The following SPIDR variants were observed in gnomAD, a reference collection of about 807,000 sequenced individuals.
SPIDR encodes the protein DNA repair-scaffolding protein.
SPIDR carries 93 observed loss-of-function variants against 104.6 expected under a neutral mutation model. The ratio of observed to expected loss-of-function variants is 0.89; its 90% CI spans 0.75 to 1.06. The LOEUF is 1.06. Among genes scored for constraint, SPIDR ranks in the 50% least tolerant of loss-of-function variants. The pLI, the probability that SPIDR is intolerant of heterozygous loss-of-function variation, is 0.00. For synonymous variants in SPIDR, 431 were observed against 416.9 expected, an observed-to-expected ratio of 1.03 and a Z score of -0.41; for missense variants, 1,154 against 1,111.2, an observed-to-expected ratio of 1.04 and a Z score of -0.55.
intron 8 of SPIDR, among the ~76,000 whole-genome samples, chr8:47,452,307 A>ACT (rs1272979239): frequency 6.6e-6 from 1 of 152,182 alleles, no homozygotes. Flanking sequence ...GGGGGCCAGA[A>ACT]AGCACTGGGA....
At chr8:47,402,243 GAGAA>G (rs1394460567) in intron 6 of SPIDR, among the ~76,000 whole-genome samples, 3 of 152,152 alleles carry the variant, frequency 2.0e-5, no homozygotes, top group African/African-American at 7.2e-5. Flanking sequence ...ATGCCCACAA[GAGAA>G]AGCAGGAAAG....
At chr8:47,684,181 TAACA>T (rs2077457761) in intron 11 of SPIDR, among the ~76,000 whole-genome samples, 6 of 144,740 alleles carry the variant, frequency 4.1e-5, no homozygotes, top group East Asian at 4.3e-4. Context: ...AATCTGAACC[TAACA>T]AACTGTTAAA....
At chr8:47,272,124 C>T (rs914590660) in intron 1 of SPIDR, among the ~76,000 whole-genome samples, 2 of 152,118 alleles carry the variant, frequency 1.3e-5, no homozygotes, top group African/African-American at 2.4e-5. Context: ...CGCGCCACCA[C>T]ACCCGGCTAG....
chr8:47,682,840 C>G (rs1399841841), intron 11 of SPIDR, among the ~76,000 whole-genome samples: 2 of 152,172 alleles, frequency 1.3e-5, no homozygotes, highest in African/African-American at 4.8e-5. Flanking sequence ...GGGCACCCCT[C>G]TAAACCAGCC....
At chr8:47,619,559 G>A (rs2064836750) in intron 10 of SPIDR, among the ~76,000 whole-genome samples, 1 of 151,828 alleles carries the variant, frequency 6.6e-6, no homozygotes, top group Non-Finnish European at 1.5e-5. Context: ...GGGTCACATA[G>A]GATCAGTCTG....
chr8:47,491,705 T>G (rs2078742466), intron 8 of SPIDR, among the ~76,000 whole-genome samples: 1 of 151,986 alleles, frequency 6.6e-6, no homozygotes, highest in Admixed American at 6.6e-5. Flanking sequence ...CAGTATTAGC[T>G]TGGCATGGTG....
rs62539081 is a variant in SPIDR, at chr8:47,348,346, C to T, written c.526-48030C>T. On this transcript the variant is annotated intron_variant, in intron 5 of 19. Coordinates refer to ENST00000297423, the MANE Select transcript of SPIDR (RefSeq NM_001080394.4). ...TTAGTCTGATGGGCTTCCCTTTGTG[C>T]GTAACCTGACCTTTCTCTCTGGCTG... 5.3e-4 allele frequency among the ~76,000 whole-genome samples: 80 copies of T among 152,232 alleles called. No individual in the cohort carries two copies. The East Asian group carries it at 8.5e-3, about 16-fold the overall frequency.
chr8:47,545,645 A>G (rs1236035834), intron 8 of SPIDR, among the ~76,000 whole-genome samples: 1 of 152,052 alleles, frequency 6.6e-6, no homozygotes, highest in African/African-American at 2.4e-5. Flanking sequence ...GCCTTATTGC[A>G]CTGGCTAGAA....
intron 5 of SPIDR, among the ~76,000 whole-genome samples, chr8:47,318,275 G>A (rs938186869): frequency 6.6e-6 from 1 of 152,168 alleles, no homozygotes; most frequent in Admixed American, 6.5e-5. Context: ...GAAAACCACA[G>A]CATGAGAACT....
chr8:47,305,128 T>C (rs907904547), intron 5 of SPIDR, among the ~76,000 whole-genome samples: 5 of 152,216 alleles, frequency 3.3e-5, no homozygotes, highest in African/African-American at 1.2e-4. Flanking sequence ...CAAAGTGGAC[T>C]AAGACACCAT....
In SPIDR at chr8:47,567,690, G is replaced by C. The variant is rs544207042; in HGVS notation, c.1098-28121G>C. Among the ~76,000 whole-genome samples, 331 of 151,930 alleles carry C rather than the reference G, an allele frequency of 2.2e-3. 1 individual carries two copies. The highest frequency in any genetic ancestry group is 2.4e-3 in the Non-Finnish European group (165 of 67,958). On this transcript the variant is annotated intron_variant, in intron 8 of 19. Transcript: ENST00000297423. ...CAATTAGGAGACAAACTTATCATCA[G>C]TGCTTTGCCATTAACAGACCGTATG...
At chr8:47,732,069 CAGG>C in intron 19 of SPIDR, 1 of 694,790 alleles carries the variant, frequency 1.4e-6, no homozygotes, top group Non-Finnish European at 2.6e-6. Flanking sequence ...GGTCACCATC[CAGG>C]AAGTCTCCAG....
intron 16 of SPIDR, among the ~76,000 whole-genome samples, chr8:47,718,739 G>A (rs968567662): frequency 4.6e-5 from 7 of 151,976 alleles, no homozygotes; most frequent in Non-Finnish European, 7.4e-5. Context: ...ATAGAAATAC[G>A]GTCTTGGCCA....
chr8:47,458,464 T>C (rs1183483684), intron 8 of SPIDR, among the ~76,000 whole-genome samples: 4 of 151,826 alleles, frequency 2.6e-5, no homozygotes, highest in Non-Finnish European at 1.5e-5. Flanking sequence ...GTAGCAGAGC[T>C]CCTGATTTGT....
intron 8 of SPIDR, chr8:47,547,357 TC>T: frequency 2.3e-6 from 1 of 439,808 alleles, no homozygotes; most frequent in South Asian, 2.1e-5. Flanking sequence ...GTGGGTTATA[TC>T]AGTTCGAACG....
intron 8 of SPIDR, among the ~76,000 whole-genome samples, chr8:47,565,871 A>G (rs1264563710): frequency 6.7e-6 from 1 of 148,550 alleles, no homozygotes; most frequent in Non-Finnish European, 1.5e-5. Context: ...TAGAAAAAAT[A>G]AGACAACAAA....
rs11372277 is a variant in SPIDR, at chr8:47,359,252, C to CAAAAAAA, written c.526-37114_526-37108dup. Among the ~76,000 whole-genome samples, 89 of 114,828 alleles carry CAAAAAAA rather than the reference C, an allele frequency of 7.8e-4. 2 individuals carry two copies. The highest frequency in any genetic ancestry group is 1.2e-3 in the African/African-American group (30 of 25,900). 75.3% of individuals were successfully genotyped at this position (114,828 alleles called of 152,430 possible). A position where few individuals can be genotyped will look rare whatever the true frequency, so the allele number is the denominator to read the frequency against. The stretch of plus-strand genomic sequence containing the variant: ...TGGGCGACAGAGCGAGACTCCGTCT[C>CAAAAAAA]AAAAAAAAAAAAAAAAGTTTTTTTT... On this transcript the variant is annotated intron_variant, in intron 5 of 19. Coordinates refer to ENST00000297423, the MANE Select transcript of SPIDR (RefSeq NM_001080394.4).
chr8:47,375,624 C>T (rs1554641914), intron 5 of SPIDR, among the ~76,000 whole-genome samples: 1 of 152,136 alleles, frequency 6.6e-6, no homozygotes. Context: ...TCCATGTTCT[C>T]AAGCTACTAG....
intron 8 of SPIDR, among the ~76,000 whole-genome samples, chr8:47,536,845 T>A (rs904907320): frequency 6.6e-6 from 1 of 152,202 alleles, no homozygotes; most frequent in Non-Finnish European, 1.5e-5. Context: ...GTACTCAGAA[T>A]ATACTAAGAA....
Sources: gnomAD v4.1 joint callset for allele counts (sites outside exome capture counted in the v4.1 genomes callset) on GRCh38, gnomAD v4.1.1 for gene constraint, MANE v1.5 for transcripts, NCBI Gene and HGNC (gene_info 2026-07-23, HGNC 2026-07-21) for gene names.